CTSC: variants seen among roughly 807,000 people sequenced by gnomAD.
CTSC encodes the protein dipeptidyl peptidase 1.
A neutral mutation model predicts 40.9 loss-of-function variants in CTSC; 37 were observed. The observed-to-expected ratio is 0.91, with a 90% confidence interval of 0.70 to 1.19. CTSC has a LOEUF of 1.19. Ranked by LOEUF, CTSC falls within the 50% of genes most tolerant of loss-of-function variation. CTSC has a pLI of 0.00. For missense variants in CTSC, 594 were observed against 567.3 expected (o/e 1.05, Z -0.48); for synonymous variants, 232 against 207.4 (o/e 1.12, Z -1.02).
rs1938185089 is a variant in CTSC at position 88,326,309 on chromosome 11, CTG to C, written c.318+8626_318+8627del. The C allele has an allele frequency of 9.3e-5, 150 of 1,613,166 alleles. 1 individual carries two copies. In the South Asian group the frequency reaches 1.5e-3, roughly 17 times the overall value. ...ATGCAAATAAAGACTCCAGAAGGGACTGTAGCTGCTAGAGGCCTTTGCTAGCT... is the reference window on the plus strand; with the variant it reads ...ATGCAAATAAAGACTCCAGAAGGGACTAGCTGCTAGAGGCCTTTGCTAGCT... On this transcript the variant is annotated intron_variant, in intron 2 of 6. Coordinates refer to ENST00000227266, the MANE Select transcript of CTSC (RefSeq NM_001814.6).
At chr11:88,317,406 C>T (rs2134793002) in intron 2 of CTSC, among the ~76,000 whole-genome samples, 1 of 152,170 alleles carries the variant, frequency 6.6e-6, no homozygotes, top group South Asian at 2.1e-4. Flanking sequence ...ATTATTTTCC[C>T]TTTTAAAATT....
chr11:88,334,791 A>C (rs1938445086), intron 2 of CTSC, 146 bp downstream of exon 2: 1 of 641,042 alleles, frequency 1.6e-6, no homozygotes, highest in South Asian at 1.9e-5. Context: ...GCAAAATTAT[A>C]CCAACTACTA....
chr11:88,294,522 A>C lies in CTSC; in HGVS notation c.890-14T>G. On this transcript the variant is annotated splice_polypyrimidine_tract_variant and intron_variant, in intron 6 of 6. Coordinates refer to ENST00000227266, the MANE Select transcript of CTSC (RefSeq NM_001814.6). ...CGCCTTCACAGCCTGAAGATGAATA[A>C]CACACATGGTTACCCCTTAGTAGAA... is the stretch of plus-strand genomic sequence containing the variant. The C allele has an allele frequency of 6.2e-7, 1 of 1,614,004 alleles. No individual in the cohort carries two copies. The highest frequency in any genetic ancestry group is 1.1e-5 in the South Asian group (1 of 91,076).
chr11:88,311,440 A>C (rs1050513012), intron 3 of CTSC, among the ~76,000 whole-genome samples: 2 of 152,212 alleles, frequency 1.3e-5, no homozygotes, highest in Non-Finnish European at 2.9e-5. Flanking sequence ...TGATTTGTAC[A>C]TGTACATTTT....
chr11:88,294,801 T>A (rs1158533153), intron 6 of CTSC, among the ~76,000 whole-genome samples: 1 of 152,246 alleles, frequency 6.6e-6, no homozygotes, highest in Admixed American at 6.5e-5. Context: ...GTGAAGAGTT[T>A]AACTTCTCTG....
intron 4 of CTSC, among the ~76,000 whole-genome samples, chr11:88,308,372 C>T (rs951542261): frequency 1.3e-5 from 2 of 151,606 alleles, no homozygotes; most frequent in African/African-American, 2.4e-5. Flanking sequence ...ATAAGACATG[C>T]AACTCCATCA....
intron 3 of CTSC, among the ~76,000 whole-genome samples, chr11:88,310,535 C>G (rs1280480864): frequency 6.6e-6 from 1 of 152,142 alleles, no homozygotes; most frequent in Non-Finnish European, 1.5e-5. Context: ...GCAAACTTTT[C>G]TTTCCCTTAT....
intron 4 of CTSC, among the ~76,000 whole-genome samples, chr11:88,305,535 T>G (rs1353777220): frequency 6.6e-6 from 1 of 152,208 alleles, no homozygotes; most frequent in African/African-American, 2.4e-5. Flanking sequence ...TCAGAAATGC[T>G]CATAAACAAT....
Position 88,333,532 on chromosome 11 carries a change from A to G in CTSC, c.318+1405T>C, listed in dbSNP as rs376722510. Among the ~76,000 whole-genome samples, 4 of 152,216 alleles carry G rather than the reference A, an allele frequency of 2.6e-5. No individual in the cohort carries two copies. In the East Asian group the frequency reaches 7.7e-4, roughly 29 times the overall value. ...GCATTCCACATGCAATTGATTCTTAATCTGAAGTCAAAGAACCTTTGAAGG... is the reference window on the plus strand; with the variant it reads ...GCATTCCACATGCAATTGATTCTTAGTCTGAAGTCAAAGAACCTTTGAAGG... On this transcript the variant is annotated intron_variant, in intron 2 of 6. Transcript: ENST00000227266.
intron 2 of CTSC, among the ~76,000 whole-genome samples, chr11:88,313,698 A>G (rs1465878331): frequency 6.6e-6 from 1 of 152,142 alleles, no homozygotes; most frequent in Admixed American, 6.5e-5. Flanking sequence ...GGCACAGACA[A>G]TTTCAGGCTC....
intron 6 of CTSC, among the ~76,000 whole-genome samples, chr11:88,295,758 C>T (rs565582694): frequency 1.2e-4 from 19 of 152,120 alleles, no homozygotes; most frequent in Middle Eastern, 3.4e-3. Context: ...GTTTTGGAGA[C>T]GATGATTAGA....
At chr11:88,324,856 TG>T in intron 2 of CTSC, 1 of 985,350 alleles carries the variant, frequency 1.0e-6, no homozygotes, top group Non-Finnish European at 1.2e-6. Context: ...AGTTTCCAGG[TG>T]GGAGCAGTCC....
At chr11:88,318,367 G>C (rs1484956916) in intron 2 of CTSC, among the ~76,000 whole-genome samples, 1 of 152,198 alleles carries the variant, frequency 6.6e-6, no homozygotes, top group Non-Finnish European at 1.5e-5. Context: ...TTACTGGACT[G>C]CTATGAAAGA....
chr11:88,329,650 T>G (rs1565264452), intron 2 of CTSC, among the ~76,000 whole-genome samples: 1 of 152,062 alleles, frequency 6.6e-6, no homozygotes, highest in Non-Finnish European at 1.5e-5. Context: ...TAATCACATA[T>G]CCAGCCATCA....
intron 2 of CTSC, among the ~76,000 whole-genome samples, chr11:88,329,599 TA>T (rs1190662808): frequency 6.6e-6 from 1 of 151,980 alleles, no homozygotes; most frequent in African/African-American, 2.4e-5. Context: ...TGATCATCAT[TA>T]AAAATGAACA....
chr11:88,335,727 C>T (rs549877431), intron 1 of CTSC, among the ~76,000 whole-genome samples: 70 of 151,936 alleles, frequency 4.6e-4, no homozygotes, highest in Non-Finnish European at 9.3e-4. Context: ...CTTCCAGAAA[C>T]GGAGAAAAGG....
intron 2 of CTSC, chr11:88,325,253 T>A (rs1190646281): frequency 1.0e-6 from 1 of 985,232 alleles, no homozygotes; most frequent in East Asian, 1.1e-4. Context: ...CTTCTACCAA[T>A]TTCCAAACTA....
chr11:88,303,649 C>T (rs1217590981), intron 4 of CTSC, among the ~76,000 whole-genome samples: 1 of 152,336 alleles, frequency 6.6e-6, no homozygotes, highest in Non-Finnish European at 1.5e-5. Context: ...GCTCTCTGCA[C>T]CCTGTCCTTG....
At position 88,300,525 on chromosome 11, in the gene CTSC, T is replaced by C. The variant is rs377562624; in HGVS notation, c.757+5A>G. 36 of 1,569,598 alleles carry C rather than the reference T, an allele frequency of 2.3e-5. No individual in the cohort carries two copies. The African/African-American group carries it at 4.5e-4, about 19-fold the overall frequency. On this transcript the variant is annotated splice_donor_5th_base_variant and intron_variant, in intron 5 of 6. Transcript: ENST00000227266. ...TTAACAAAAAACTTAGGCTTATTTT[T>C]TTACCTTGGTTTCGAACAGGACTGA...
Sources: gnomAD v4.1 joint callset for allele counts (sites outside exome capture counted in the v4.1 genomes callset) on GRCh38, gnomAD v4.1.1 for gene constraint, MANE v1.5 for transcripts, NCBI Gene and HGNC (gene_info 2026-07-23, HGNC 2026-07-21) for gene names.